Variants in SNTG2 observed in about 807,000 individuals in gnomAD.
SNTG2 encodes the protein syntrophin gamma 2.
In SNTG2, 74 loss-of-function variants were observed where a neutral mutation model predicts 70.9. The observed-to-expected ratio is 1.04, with a 90% CI of 0.86 to 1.27. SNTG2 has a LOEUF of 1.27. Among genes scored for constraint, SNTG2 ranks in the 50% most tolerant of loss-of-function variants. The pLI is 0.00. For synonymous variants in SNTG2, 278 were observed against 273.8 expected (o/e 1.02, Z -0.15); for missense variants, 717 against 690.7 (o/e 1.04, Z -0.43).
intron 14 of SNTG2, among the ~76,000 whole-genome samples, chr2:1,279,343 T>C (rs1679423805): frequency 6.6e-6 from 1 of 152,258 alleles, no homozygotes; most frequent in South Asian, 2.1e-4. Flanking sequence ...TTCATTTCTA[T>C]TACTAATCTC....
At chr2:962,943 G>C (rs1473053961) in intron 1 of SNTG2, among the ~76,000 whole-genome samples, 2 of 152,156 alleles carry the variant, frequency 1.3e-5, no homozygotes, top group African/African-American at 2.4e-5. Context: ...GGAATTTGGA[G>C]GTACTGCAAA....
At chr2:1,033,104 T>TA (rs1660931673) in intron 1 of SNTG2, among the ~76,000 whole-genome samples, 1 of 152,138 alleles carries the variant, frequency 6.6e-6, no homozygotes, top group Admixed American at 6.5e-5. Flanking sequence ...CTGAACCACT[T>TA]ACGAGAAATA....
At chr2:1,054,034 G>A (rs1365782510) in intron 1 of SNTG2, among the ~76,000 whole-genome samples, 1 of 151,968 alleles carries the variant, frequency 6.6e-6, no homozygotes, top group Non-Finnish European at 1.5e-5. Context: ...GCATGTCTTG[G>A]CCTTGTTGTT....
intron 16 of SNTG2, among the ~76,000 whole-genome samples, chr2:1,331,201 C>A (rs2148284108): frequency 6.6e-6 from 1 of 152,332 alleles, no homozygotes; most frequent in African/African-American, 2.4e-5. Context: ...GCAATGGACT[C>A]TTCTCTTCAG....
intron 8 of SNTG2, among the ~76,000 whole-genome samples, chr2:1,199,271 G>T (rs1402923789): frequency 6.6e-6 from 1 of 150,838 alleles, no homozygotes; most frequent in East Asian, 2.0e-4. Flanking sequence ...ATATAATAAA[G>T]AACAAAAACC....
intron 1 of SNTG2, among the ~76,000 whole-genome samples, chr2:1,019,237 A>G (rs1660020458): frequency 1.3e-5 from 2 of 152,188 alleles, no homozygotes; most frequent in Admixed American, 6.5e-5. Flanking sequence ...CAGGCCAGAT[A>G]TCATGTCTGT....
intron 14 of SNTG2, among the ~76,000 whole-genome samples, chr2:1,268,614 C>G (rs1159550496): frequency 6.6e-6 from 1 of 152,140 alleles, no homozygotes; most frequent in East Asian, 1.9e-4. Context: ...TTAAAGTAAC[C>G]TTTATATTTG....
At chr2:1,182,072 G>A (rs952888825) in intron 8 of SNTG2, among the ~76,000 whole-genome samples, 1 of 152,122 alleles carries the variant, frequency 6.6e-6, no homozygotes, top group Non-Finnish European at 1.5e-5. Flanking sequence ...CCTTCAAAGG[G>A]TGCATAGAGG....
intron 14 of SNTG2, 123 bp from the exon 15 acceptor site, chr2:1,308,371 G>GT (rs1489160833): frequency 1.2e-6 from 1 of 838,408 alleles, no homozygotes; most frequent in Non-Finnish European, 1.9e-6. Flanking sequence ...TTTGTTCCCC[G>GT]TAACTTGCAT....
At chr2:1,063,652 G>A (rs1364719893) in intron 1 of SNTG2, among the ~76,000 whole-genome samples, 2 of 152,146 alleles carry the variant, frequency 1.3e-5, no homozygotes, top group Non-Finnish European at 2.9e-5. Flanking sequence ...TGAAAAACAT[G>A]TCAGAAATAA....
intron 2 of SNTG2, among the ~76,000 whole-genome samples, chr2:1,091,513 G>A (rs536972660): frequency 7.9e-5 from 12 of 152,286 alleles, no homozygotes; most frequent in South Asian, 2.1e-4. Flanking sequence ...CATGGCGGCC[G>A]GGGGCCTGGT....
At chr2:1,106,025 G>C (rs191413854) in intron 4 of SNTG2, among the ~76,000 whole-genome samples, 16,793 of 143,922 alleles carry the variant, frequency 0.12, 4,485 homozygotes, top group East Asian at 0.2. Flanking sequence ...TAATGGACAC[G>C]TGCTGTCACT....
chr2:1,155,702 G>T (rs1261404677), intron 6 of SNTG2, among the ~76,000 whole-genome samples: 1 of 152,136 alleles, frequency 6.6e-6, no homozygotes, highest in African/African-American at 2.4e-5. Context: ...GGCAAAGCGG[G>T]GCTCTGAGAA....
chr2:1,314,166 C>G (rs1037373038), intron 15 of SNTG2, among the ~76,000 whole-genome samples: 4 of 152,224 alleles, frequency 2.6e-5, no homozygotes, highest in Admixed American at 6.5e-5. Context: ...CTACTGCGCT[C>G]TTTCTTCAAA....
chr2:1,315,262 C>T lies in SNTG2; in HGVS notation c.1378-1003C>T, dbSNP rs187253870. ...CGTAAAATGCGGAGATTCTATTTAG[C>T]TCCTGGATTTAATATAAAGAAAAAG... is the stretch of plus-strand genomic sequence containing the variant. On this transcript the variant is annotated intron_variant, in intron 15 of 16. Transcript: ENST00000308624. Among the ~76,000 whole-genome samples, 5 of 152,244 alleles carry T rather than the reference C, an allele frequency of 3.3e-5. No homozygotes were observed. In the East Asian group the frequency reaches 9.6e-4, roughly 29 times the overall value.
At chr2:1,161,261 T>A (rs1670251648) in intron 6 of SNTG2, 1 of 151,728 alleles carries the variant, frequency 6.6e-6, no homozygotes, top group African/African-American at 2.4e-5. Flanking sequence ...CCAGCCTGGA[T>A]GACAGTCAAA....
intron 1 of SNTG2, among the ~76,000 whole-genome samples, chr2:983,546 G>A (rs745743358): frequency 3.3e-5 from 5 of 152,170 alleles, no homozygotes; most frequent in Admixed American, 6.5e-5. Flanking sequence ...CTAACCCTCC[G>A]AAATAGTCAC....
intron 1 of SNTG2, among the ~76,000 whole-genome samples, chr2:1,079,078 A>C (rs183056228): frequency 6.6e-6 from 1 of 152,388 alleles, no homozygotes; most frequent in East Asian, 1.9e-4. Context: ...AATGTATTCA[A>C]TTAGCTCATT....
intron 4 of SNTG2, among the ~76,000 whole-genome samples, chr2:1,124,311 C>G (rs55928292): frequency 3.1e-5 from 2 of 64,688 alleles, no homozygotes; most frequent in Non-Finnish European, 5.9e-5. Context: ...TTTAATTTTT[C>G]TCAGACAGAG....
Sources: allele counts gnomAD v4.1 joint callset (sites outside exome capture counted in the v4.1 genomes callset), GRCh38; gene constraint gnomAD v4.1.1; transcripts MANE v1.5; gene names NCBI Gene and HGNC (gene_info 2026-07-23, HGNC 2026-07-21).